BCLAF3: variants seen among roughly 807,000 people sequenced by gnomAD.
The protein encoded by BCLAF3 is transient octamer binding factor 1.
A neutral mutation model predicts 51.2 loss-of-function variants in BCLAF3; 24 were observed. That is an observed-to-expected ratio of 0.47 (90% CI 0.34 to 0.66). The LOEUF (loss-of-function observed/expected upper bound fraction) is 0.66, where lower values mean the gene tolerates loss of function less well. Ranked by LOEUF, BCLAF3 falls within the 30% of genes least tolerant of loss-of-function variation. BCLAF3 has a pLI of 0.01. For synonymous variants in BCLAF3, 152 were observed against 176.6 expected, an observed-to-expected ratio of 0.86 and a Z score of 1.10; for missense variants, 465 against 525.1, an observed-to-expected ratio of 0.89 and a Z score of 1.12.
At chrX:19,924,232 GA>G (rs1361161186) in intron 11 of BCLAF3, among the ~76,000 whole-genome samples, 4 of 111,555 alleles carry the variant, frequency 3.6e-5, no homozygotes, top group Non-Finnish European at 5.6e-5. Context: ...GGTGATGGCT[GA>G]AATCTTGGGA....
intron 8 of BCLAF3, among the ~76,000 whole-genome samples, chrX:19,945,271 G>A (rs1445847883): frequency 2.8e-5 from 3 of 108,337 alleles, no homozygotes; most frequent in Non-Finnish European, 3.8e-5. Context: ...TCTTCTCTCA[G>A]CTCGTCAAAG....
chrX:19,990,585 C>G (rs1292274990), intron 1 of BCLAF3, among the ~76,000 whole-genome samples: 1 of 113,285 alleles, frequency 8.8e-6, no homozygotes, highest in Non-Finnish European at 1.9e-5. Flanking sequence ...TGCAGGGAAC[C>G]GCGGGGACCG....
Position 19,913,160 on chromosome X carries a change from G to A in BCLAF3, c.*4145C>T, listed in dbSNP as rs912316087. 1 of 111,711 alleles carries A rather than the reference G, an allele frequency of 9.0e-6. No individual in the cohort carries two copies. Among genetic ancestry groups the A allele is most frequent in the Non-Finnish European group, 1.9e-5 (1 of 53,143 alleles). The allele number at this position is 111,711 out of a possible 1,213,427, so 9.2% of individuals were successfully genotyped here. ...GTGGCCTCGGTTCACTGCAACCTTC[G>A]CCTCCCGGGTTTAAGCAATTCTCCT... On this transcript the variant is annotated 3_prime_UTR_variant, in exon 12 of 12. Transcript: ENST00000379682.
chrX:19,965,948 T>A, intron 3 of BCLAF3, 132 bp downstream of exon 3: 1 of 634,285 alleles, frequency 1.6e-6, no homozygotes, highest in East Asian at 3.3e-5. Flanking sequence ...CAGTACCCCA[T>A]AATTAAATTA....
chrX:19,956,333 C>A (rs2071662023), intron 4 of BCLAF3, among the ~76,000 whole-genome samples: 1 of 111,689 alleles, frequency 9.0e-6, no homozygotes, highest in Non-Finnish European at 1.9e-5. Context: ...TTATTCAGGG[C>A]TTACCACATG....
intron 8 of BCLAF3, among the ~76,000 whole-genome samples, chrX:19,939,954 T>C (rs1390415090): frequency 8.9e-6 from 1 of 112,109 alleles, no homozygotes; most frequent in Non-Finnish European, 1.9e-5. Flanking sequence ...TACTGTTCAA[T>C]GGAAACAGAC....
chrX:19,923,320 T>C (rs1022391624), intron 11 of BCLAF3: 31 of 124,898 alleles, frequency 2.5e-4, no homozygotes, highest in Non-Finnish European at 3.4e-5. Context: ...ATGAGAAGAC[T>C]TGAAACCATT....
chrX:19,940,454 T>C (rs759140900), intron 8 of BCLAF3, among the ~76,000 whole-genome samples: 1 of 110,419 alleles, frequency 9.1e-6, no homozygotes. Flanking sequence ...CAGAGTGTGA[T>C]ATTCCCCTTC....
intron 1 of BCLAF3, among the ~76,000 whole-genome samples, chrX:19,973,985 C>G (rs909030085): frequency 8.9e-6 from 1 of 111,965 alleles, no homozygotes; most frequent in African/African-American, 3.2e-5. Flanking sequence ...AATGGGAACT[C>G]TCAGTTACTG....
intron 10 of BCLAF3, 94 bp from the exon 11 acceptor site, chrX:19,930,034 C>T (rs1486484501): frequency 1.1e-6 from 1 of 870,661 alleles, no homozygotes; most frequent in Admixed American, 2.9e-5. Flanking sequence ...GGTGCAGTAG[C>T]TCACGCCTGT....
chrX:19,964,232 G>C (rs1323233762), intron 4 of BCLAF3, among the ~76,000 whole-genome samples: 1 of 110,969 alleles, frequency 9.0e-6, no homozygotes, highest in Non-Finnish European at 1.9e-5. Context: ...GTCATGAACA[G>C]TTTTAGCTGT....
chrX:19,934,913 C>A (rs1395113231), intron 10 of BCLAF3, among the ~76,000 whole-genome samples: 2 of 112,051 alleles, frequency 1.8e-5, no homozygotes, highest in East Asian at 5.6e-4. Flanking sequence ...GGGCCAGGTG[C>A]AGTGGCTCAA....
chrX:19,944,149 A>G (rs1336116623), intron 8 of BCLAF3, among the ~76,000 whole-genome samples: 3 of 68,197 alleles, frequency 4.4e-5, no homozygotes, highest in Non-Finnish European at 8.0e-5. Flanking sequence ...CCATCCTTTT[A>G]TTTTGAGCCT....
intron 10 of BCLAF3, among the ~76,000 whole-genome samples, chrX:19,931,760 G>C (rs1239403501): frequency 8.9e-6 from 1 of 112,013 alleles, no homozygotes; most frequent in Non-Finnish European, 1.9e-5. Context: ...TTATATGCAA[G>C]GTACAAAGAC....
At chrX:19,948,698 C>T (rs1005005302) in intron 8 of BCLAF3, among the ~76,000 whole-genome samples, 1 of 107,908 alleles carries the variant, frequency 9.3e-6, no homozygotes, top group Non-Finnish European at 1.9e-5. Flanking sequence ...CTGAGCCTCA[C>T]GGAAGGTTGA....
At chrX:19,968,129 A>G (rs1473227442) in intron 2 of BCLAF3, among the ~76,000 whole-genome samples, 1 of 112,822 alleles carries the variant, frequency 8.9e-6, no homozygotes, top group Admixed American at 9.3e-5. Flanking sequence ...TCGGTTTGAT[A>G]TGCTATTTTA....
rs1025320972 is a variant in BCLAF3 at position 19,914,189 on chromosome X, C to T, written c.*3116G>A. On this transcript the variant is annotated 3_prime_UTR_variant, in exon 12 of 12. Transcript: ENST00000379682. ...GGTCCTGAGATGGAAGCAAAGACTT[C>T]GTTGTCCCAAGAGTTTTCCTTGACT... 2.7e-5 allele frequency: 3 copies of T among 111,390 alleles called. No individual in the cohort carries two copies. The highest frequency in any genetic ancestry group is 9.8e-5 in the African/African-American group (3 of 30,595). The allele number at this position is 111,390 out of a possible 1,213,427, so 9.2% of individuals were successfully genotyped here.
chrX:19,965,547 C>A lies in BCLAF3; in HGVS notation c.771G>T (p.Gly257=), dbSNP rs755814030. 1 of 1,199,638 alleles carries A rather than the reference C, an allele frequency of 8.3e-7. No individual in the cohort carries two copies. Among genetic ancestry groups the A allele is most frequent in the Admixed American group, 2.3e-5 (1 of 44,190 alleles). The change falls in exon 4 of 12, where the codon GGG becomes GGT. Residue 257 remains glycine (G), a synonymous_variant. Transcript: ENST00000379682. ...YQEDTDQWNL[G]PQTYRHAERE... ...TCTCAGCATGTCGATAAGTTTGGGG[C>A]CCAAGGTTCCACTGGTCTGTGTCCT...
At chrX:19,921,397 A>G (rs1196776253) in intron 11 of BCLAF3, among the ~76,000 whole-genome samples, 3 of 112,307 alleles carry the variant, frequency 2.7e-5, no homozygotes, top group Non-Finnish European at 5.6e-5. Flanking sequence ...GTGTTAAAAA[A>G]CTATTTATTG....
Sources: allele counts gnomAD v4.1 joint callset (sites outside exome capture counted in the v4.1 genomes callset), GRCh38; gene constraint gnomAD v4.1.1; transcripts MANE v1.5; gene names NCBI Gene and HGNC (gene_info 2026-07-23, HGNC 2026-07-21).